The following PCDH15 variants were observed in gnomAD, a reference collection of about 807,000 sequenced individuals.
PCDH15 encodes the protein protocadherin related 15.
PCDH15 carries 129 observed loss-of-function variants against 178.5 expected under a neutral mutation model. That is an observed-to-expected ratio of 0.72 (90% CI 0.63 to 0.84). The LOEUF (loss-of-function observed/expected upper bound fraction) is 0.84, where lower values mean the gene tolerates loss of function less well. PCDH15 is among the 40% of genes least tolerant of loss of function. The pLI, the probability that PCDH15 is intolerant of heterozygous loss-of-function variation, is 0.00. For missense variants in PCDH15, 2,230 were observed against 2,099.9 expected, an observed-to-expected ratio of 1.06 and a Z score of -1.21; for synonymous variants, 800 against 732.0, an observed-to-expected ratio of 1.09 and a Z score of -1.50.
intron 28 of PCDH15, among the ~76,000 whole-genome samples, chr10:53,848,766 A>C (rs2078143993): frequency 6.6e-6 from 1 of 152,026 alleles, no homozygotes; most frequent in South Asian, 2.1e-4. Flanking sequence ...GGGTACCTTC[A>C]TTACGATGAT....
At chr10:54,517,715 T>C (rs1216320032) in intron 3 of PCDH15, among the ~76,000 whole-genome samples, 3 of 152,128 alleles carry the variant, frequency 2.0e-5, no homozygotes, top group African/African-American at 4.8e-5. Context: ...GAGGACCTAA[T>C]AGACATCTAC....
chr10:54,626,064 G>C (rs954293310), intron 2 of PCDH15, among the ~76,000 whole-genome samples: 2 of 152,132 alleles, frequency 1.3e-5, no homozygotes, highest in African/African-American at 4.8e-5. Context: ...TTAGAGATTT[G>C]TGGAACTTTG....
chr10:54,163,030 T>C (rs2045872607), intron 13 of PCDH15, among the ~76,000 whole-genome samples: 1 of 152,056 alleles, frequency 6.6e-6, no homozygotes, highest in Non-Finnish European at 1.5e-5. Context: ...TAAAGTTATA[T>C]GGTGACCCCA....
At chr10:54,579,409 G>A (rs181633899) in intron 2 of PCDH15, among the ~76,000 whole-genome samples, 1 of 152,186 alleles carries the variant, frequency 6.6e-6, no homozygotes, top group East Asian at 1.9e-4. Flanking sequence ...ATTAAATAAT[G>A]ACAAAGGGTT....
intron 1 of PCDH15, among the ~76,000 whole-genome samples, chr10:54,740,856 CA>C (rs1944703862): frequency 1.3e-5 from 2 of 151,826 alleles, no homozygotes; most frequent in Admixed American, 6.6e-5. Flanking sequence ...CAGTGGTTAT[CA>C]GGGGCTGGCA....
intron 1 of PCDH15, among the ~76,000 whole-genome samples, chr10:54,669,160 G>A (rs1201315332): frequency 2.0e-5 from 3 of 151,978 alleles, no homozygotes; most frequent in African/African-American, 7.2e-5. Flanking sequence ...CAGCATGGTG[G>A]TAAATATTAA....
At chr10:55,359,747 T>TACACAC (rs57691062) in intron 2 of PCDH15, among the ~76,000 whole-genome samples, 44 of 81,654 alleles carry the variant, frequency 5.4e-4, no homozygotes, top group African/African-American at 1.4e-3. Context: ...TATATATATA[T>TACACAC]ACACACACAC....
chr10:54,734,615 C>A (rs1310607130), intron 1 of PCDH15, among the ~76,000 whole-genome samples: 1 of 151,906 alleles, frequency 6.6e-6, no homozygotes, highest in Non-Finnish European at 1.5e-5. Flanking sequence ...GGCTATATTG[C>A]CCTTATTCAT....
intron 2 of PCDH15, among the ~76,000 whole-genome samples, chr10:55,426,991 G>A (rs1242448978): frequency 2.6e-5 from 4 of 151,810 alleles, no homozygotes; most frequent in African/African-American, 9.7e-5. Flanking sequence ...GGTACATCAG[G>A]CCATGGATTT....
chr10:54,709,355 C>CATACATTATT (rs1245882232), intron 1 of PCDH15, among the ~76,000 whole-genome samples: 1 of 151,866 alleles, frequency 6.6e-6, no homozygotes, highest in Non-Finnish European at 1.5e-5. Flanking sequence ...ACACCTACTC[C>CATACATTATT]ATACATTATT....
At chr10:54,560,756 T>C (rs2088028920) in intron 2 of PCDH15, among the ~76,000 whole-genome samples, 1 of 152,090 alleles carries the variant, frequency 6.6e-6, no homozygotes, top group South Asian at 2.1e-4. Context: ...GAATATGCCT[T>C]ACAAATTTAA....
At chr10:55,564,284 G>A (rs963077345) in intron 2 of PCDH15, among the ~76,000 whole-genome samples, 3 of 136,866 alleles carry the variant, frequency 2.2e-5, no homozygotes, top group African/African-American at 7.6e-5. Context: ...CTGAGTTTTT[G>A]TATATTATTG....
At chr10:55,177,130 G>T (rs1272061043) in intron 1 of PCDH15, among the ~76,000 whole-genome samples, 1 of 152,096 alleles carries the variant, frequency 6.6e-6, no homozygotes, top group Non-Finnish European at 1.5e-5. Context: ...GAGGGAACCA[G>T]GGCATTAGGC....
intron 16 of PCDH15, among the ~76,000 whole-genome samples, chr10:54,087,412 T>G (rs952533248): frequency 1.3e-5 from 2 of 152,210 alleles, no homozygotes; most frequent in African/African-American, 4.8e-5. Context: ...GTGCTCTTTT[T>G]GCAACTGACT....
chr10:55,616,750 C>T (rs1305875494), intron 2 of PCDH15, among the ~76,000 whole-genome samples: 2 of 152,082 alleles, frequency 1.3e-5, no homozygotes, highest in African/African-American at 4.8e-5. Context: ...TGTCATAAAA[C>T]ATAGGTAAGA....
chr10:55,454,249 T>C (rs1416287510), intron 2 of PCDH15, among the ~76,000 whole-genome samples: 1 of 152,160 alleles, frequency 6.6e-6, no homozygotes, highest in Non-Finnish European at 1.5e-5. Flanking sequence ...CAAAGTAATT[T>C]AGCTTATAAA....
intron 13 of PCDH15, among the ~76,000 whole-genome samples, chr10:54,182,316 T>A (rs989926017): frequency 6.6e-6 from 1 of 152,218 alleles, no homozygotes; most frequent in Non-Finnish European, 1.5e-5. Context: ...AAGTTGGTGA[T>A]GATTTATCCT....
chr10:55,538,309 C>T (rs997369926), intron 2 of PCDH15, among the ~76,000 whole-genome samples: 29 of 152,194 alleles, frequency 1.9e-4, no homozygotes, highest in African/African-American at 6.3e-4. Context: ...GGAATCACTC[C>T]TCCCCATCCA....
At chr10:54,237,383 T>G (rs2054743333) in intron 8 of PCDH15, among the ~76,000 whole-genome samples, 1 of 152,066 alleles carries the variant, frequency 6.6e-6, no homozygotes, top group Non-Finnish European at 1.5e-5. Context: ...ATAAAGTAAA[T>G]AATTTCATAA....
Sources: gnomAD v4.1 joint callset for allele counts (sites outside exome capture counted in the v4.1 genomes callset) on GRCh38, gnomAD v4.1.1 for gene constraint, MANE v1.5 for transcripts, NCBI Gene and HGNC (gene_info 2026-07-23, HGNC 2026-07-21) for gene names.